KIZ: variants seen among roughly 807,000 people sequenced by gnomAD.
KIZ encodes centrosomal protein kizuna.
KIZ carries 68 observed loss-of-function variants against 79.6 expected under a neutral mutation model. The observed-to-expected ratio is 0.85, with a 90% CI of 0.70 to 1.05. The LOEUF is 1.05. KIZ is among the 50% of genes least tolerant of loss of function. The pLI, the probability that KIZ is intolerant of heterozygous loss-of-function variation, is 0.00. For missense variants in KIZ, 797 were observed against 800.4 expected, an observed-to-expected ratio of 1.00 and a Z score of 0.05; for synonymous variants, 280 against 281.8, an observed-to-expected ratio of 0.99 and a Z score of 0.06.
intron 3 of KIZ, among the ~76,000 whole-genome samples, chr20:21,142,282 TA>T (rs2032597458): frequency 6.6e-6 from 1 of 152,094 alleles, no homozygotes; most frequent in Admixed American, 6.5e-5. Flanking sequence ...TCCTTCATGG[TA>T]TTATAATTGT....
intron 6 of KIZ, among the ~76,000 whole-genome samples, chr20:21,189,032 C>T (rs749566020): frequency 8.5e-5 from 13 of 152,132 alleles, no homozygotes; most frequent in South Asian, 2.1e-4. Flanking sequence ...TTTTAAGAGA[C>T]GGAGTCTTGC....
intron 6 of KIZ, among the ~76,000 whole-genome samples, chr20:21,192,314 G>A (rs1228014836): frequency 2.9e-4 from 38 of 129,408 alleles, no homozygotes; most frequent in Non-Finnish European, 5.1e-4. Flanking sequence ...GGGGGAGGGT[G>A]TTATTTTGTT....
chr20:21,204,730 G>T (rs796695589), intron 6 of KIZ, among the ~76,000 whole-genome samples: 5 of 152,150 alleles, frequency 3.3e-5, no homozygotes, highest in African/African-American at 1.2e-4. Flanking sequence ...ATGAACTTTG[G>T]TTCCTTTTAG....
chr20:21,143,277 TC>T (rs2032670467), intron 3 of KIZ, among the ~76,000 whole-genome samples: 2 of 151,678 alleles, frequency 1.3e-5, no homozygotes, highest in East Asian at 3.9e-4. Context: ...GTTCAATTAT[TC>T]ACTTATTCTG....
rs2295411 is a variant in KIZ, at chr20:21,243,391, T to C, written c.1881-854T>C. ...TTGGCCCAAAGGGAAGGAAAAGATA[T>C]ATTTGCAGGGTTTCCTGTGTCCAGA... On this transcript the variant is annotated intron_variant, in intron 11 of 12. Coordinates refer to ENST00000619189, the MANE Select transcript of KIZ (RefSeq NM_018474.6). 2.9e-3 allele frequency among the ~76,000 whole-genome samples: 441 copies of C among 151,944 alleles called. 4 individuals carry two copies. Among genetic ancestry groups the C allele is most frequent in the East Asian group, 0.012 (64 of 5,174 alleles).
chr20:21,214,707 A>G lies in KIZ; in HGVS notation c.1612+7A>G, dbSNP rs1006409169. The G allele has an allele frequency of 1.4e-5, 22 of 1,603,826 alleles. No homozygotes were observed. Among genetic ancestry groups the G allele is most frequent in the Non-Finnish European group, 1.8e-5 (21 of 1,171,432 alleles). Reference sequence around the variant, plus strand: ...GTTCCTACAAGGGAACAAGGTAACTATTGTTAAAGTGTGTGTCCACAGCAA... The same window carrying G: ...GTTCCTACAAGGGAACAAGGTAACTGTTGTTAAAGTGTGTGTCCACAGCAA... On this transcript the variant is annotated splice_region_variant and intron_variant, in intron 8 of 12. Coordinates refer to ENST00000619189, the MANE Select transcript of KIZ (RefSeq NM_018474.6).
At chr20:21,176,937 TTTCC>T (rs1247622894) in intron 6 of KIZ, among the ~76,000 whole-genome samples, 1 of 152,226 alleles carries the variant, frequency 6.6e-6, no homozygotes, top group Non-Finnish European at 1.5e-5. Flanking sequence ...TGTGTCAAAA[TTTCC>T]TTCCTTTTTA....
intron 9 of KIZ, among the ~76,000 whole-genome samples, chr20:21,220,891 A>G (rs2036481652): frequency 6.6e-6 from 1 of 152,234 alleles, no homozygotes; most frequent in Non-Finnish European, 1.5e-5. Flanking sequence ...TGCTTCTGAG[A>G]GCAATGATAA....
intron 6 of KIZ, chr20:21,196,702 A>G (rs917336274): frequency 1.3e-5 from 2 of 152,308 alleles, no homozygotes; most frequent in Admixed American, 1.3e-4. Context: ...AAGAACTGAG[A>G]ATCCAGGCTT....
intron 4 of KIZ, among the ~76,000 whole-genome samples, chr20:21,155,698 T>A (rs528640669): frequency 6.6e-6 from 1 of 152,358 alleles, no homozygotes; most frequent in East Asian, 1.9e-4. Flanking sequence ...GAATTATATC[T>A]CAGTAAAATG....
At chr20:21,131,308 G>T (rs2031826380) in intron 1 of KIZ, among the ~76,000 whole-genome samples, 1 of 152,188 alleles carries the variant, frequency 6.6e-6, no homozygotes, top group African/African-American at 2.4e-5. Context: ...CACAGGTTCA[G>T]TCTTTACTGG....
intron 6 of KIZ, among the ~76,000 whole-genome samples, chr20:21,169,272 A>G (rs1258869492): frequency 2.0e-5 from 3 of 152,208 alleles, no homozygotes; most frequent in East Asian, 1.9e-4. Flanking sequence ...GGCAAAGGAT[A>G]TGAACAGACA....
intron 11 of KIZ, among the ~76,000 whole-genome samples, chr20:21,237,857 T>A (rs999018958): frequency 1.3e-5 from 2 of 152,226 alleles, no homozygotes; most frequent in Admixed American, 1.3e-4. Context: ...AGAGACAGGG[T>A]CTCGCTCTGT....
At chr20:21,144,735 C>T in intron 3 of KIZ, among the ~76,000 whole-genome samples, 1 of 152,096 alleles carries the variant, frequency 6.6e-6, no homozygotes, top group East Asian at 1.9e-4. Context: ...ATTTTATGTT[C>T]AGAGAACTAA....
chr20:21,187,040 T>C (rs1188995751), intron 6 of KIZ, among the ~76,000 whole-genome samples: 1 of 152,036 alleles, frequency 6.6e-6, no homozygotes, highest in Non-Finnish European at 1.5e-5. Flanking sequence ...ACTTTTTGAG[T>C]GCCAACATGA....
In KIZ at chr20:21,126,142, G is replaced by T. The variant is rs747021291; in HGVS notation, c.27G>T (p.Val9=). Residue 9 remains valine (V), a synonymous_variant, in exon 1 of 13, where the codon GTG becomes GTT. Transcript: ENST00000619189. MSRTLASA[V]PLSSPDYYER... is the part of the protein sequence containing the mutation. ...TGAGCCGGACCCTCGCATCGGCCGT[G>T]CCCCTGTCGAGTCCCGACTACTACG... The T allele has an allele frequency of 2.3e-5, 35 of 1,514,444 alleles. No individual in the cohort carries two copies. The highest frequency in any genetic ancestry group is 2.1e-4 in the Admixed American group (10 of 47,780). The allele number at this position is 1,514,444 out of a possible 1,614,324, so 93.8% of individuals were successfully genotyped here.
intron 6 of KIZ, among the ~76,000 whole-genome samples, chr20:21,183,166 C>A (rs944340077): frequency 2.0e-5 from 3 of 152,136 alleles, no homozygotes; most frequent in Non-Finnish European, 2.9e-5. Context: ...ACAACTCTAC[C>A]CCAGCAAGGT....
intron 11 of KIZ, among the ~76,000 whole-genome samples, chr20:21,241,055 G>A (rs1487474650): frequency 6.6e-6 from 1 of 152,206 alleles, no homozygotes; most frequent in East Asian, 1.9e-4. Context: ...GAGCACATAA[G>A]ACCACATGGT....
intron 11 of KIZ, among the ~76,000 whole-genome samples, chr20:21,235,241 G>A (rs1160049012): frequency 1.3e-5 from 2 of 152,176 alleles, no homozygotes; most frequent in African/African-American, 4.8e-5. Context: ...TGATGGTGGT[G>A]GGGTTCGGGT....
Sources: gnomAD v4.1 joint callset for allele counts (sites outside exome capture counted in the v4.1 genomes callset) on GRCh38, gnomAD v4.1.1 for gene constraint, MANE v1.5 for transcripts, NCBI Gene and HGNC (gene_info 2026-07-23, HGNC 2026-07-21) for gene names.